MREG: variants seen among roughly 807,000 people sequenced by gnomAD.
MREG encodes the protein melanoregulin, also known as dilute suppressor protein homolog.
In MREG, 31 loss-of-function variants were observed where a neutral mutation model predicts 28.5. The ratio of observed to expected loss-of-function variants is 1.09; its 90% CI spans 0.82 to 1.47. The LOEUF (loss-of-function observed/expected upper bound fraction) is 1.47, where lower values mean the gene tolerates loss of function less well. Among genes scored for constraint, MREG ranks in the 40% most tolerant of loss-of-function variants. The pLI is 0.00. For synonymous variants in MREG, 106 were observed against 95.2 expected, an observed-to-expected ratio of 1.11 and a Z score of -0.66; for missense variants, 256 against 257.4, an observed-to-expected ratio of 0.99 and a Z score of 0.04.
intron 2 of MREG, among the ~76,000 whole-genome samples, chr2:215,952,646 A>G (rs997739091): frequency 6.6e-6 from 1 of 152,154 alleles, no homozygotes; most frequent in Non-Finnish European, 1.5e-5. Context: ...TTAAACTCTT[A>G]GCAACAACTT....
At chr2:215,986,246 T>C (rs1233635088) in intron 2 of MREG, among the ~76,000 whole-genome samples, 1 of 152,208 alleles carries the variant, frequency 6.6e-6, no homozygotes, top group Admixed American at 6.5e-5. Context: ...TCTGGACATT[T>C]TATATGAAAA....
At chr2:215,947,232 G>A (rs941494372) in intron 2 of MREG, 119 bp from the exon 3 acceptor site, 4 of 641,412 alleles carry the variant, frequency 6.2e-6, no homozygotes, top group East Asian at 5.6e-5. Context: ...TTCAAAGCAA[G>A]CCTAAAAGAA....
chr2:215,996,927 C>T (rs912610944), intron 1 of MREG, among the ~76,000 whole-genome samples: 3 of 152,108 alleles, frequency 2.0e-5, no homozygotes, highest in African/African-American at 7.2e-5. Context: ...ATTACAGGCG[C>T]CTGCCACCAC....
chr2:215,988,535 C>T (rs192783171), intron 2 of MREG, among the ~76,000 whole-genome samples: 6 of 152,238 alleles, frequency 3.9e-5, no homozygotes, highest in South Asian at 4.2e-4. Context: ...GGAACACCAG[C>T]GACACAGAAT....
At chr2:216,014,564 G>A (rs910080604), upstream of MREG, among the ~76,000 whole-genome samples, 26 of 151,816 alleles carry the variant, frequency 1.7e-4, no homozygotes, top group African/African-American at 5.8e-4. Flanking sequence ...CAGGAGAATT[G>A]CTCGAACCCG....
chr2:215,974,835 C>G (rs1315193296), intron 2 of MREG, among the ~76,000 whole-genome samples: 1 of 143,864 alleles, frequency 7.0e-6, no homozygotes, highest in Admixed American at 6.9e-5. Flanking sequence ...GACACACACA[C>G]ACACACACAC....
chr2:215,990,154 G>A (rs1693685040), intron 2 of MREG, among the ~76,000 whole-genome samples: 1 of 152,222 alleles, frequency 6.6e-6, no homozygotes, highest in African/African-American at 2.4e-5. Flanking sequence ...GAGAAAGGTC[G>A]GGTTACCCAC....
Position 215,943,389 on chromosome 2 carries a change from C to G in MREG, c.*1474G>C. Reference sequence around the variant, plus strand: ...ATCTTCTGAAGAGAAGAAGGTCCAGCAAAGATCTTCAGTGCAATACTCCCT... The same window carrying G: ...ATCTTCTGAAGAGAAGAAGGTCCAGGAAAGATCTTCAGTGCAATACTCCCT... On this transcript the variant is annotated 3_prime_UTR_variant, in exon 5 of 5. Transcript: ENST00000263268. The G allele has an allele frequency of 2.2e-6, 1 of 456,618 alleles. No individual in the cohort carries two copies. Among genetic ancestry groups the G allele is most frequent in the Non-Finnish European group, 4.4e-6 (1 of 226,936 alleles). 28.3% of individuals were successfully genotyped at this position (456,618 alleles called of 1,614,324 possible). A position where few individuals can be genotyped will look rare whatever the true frequency, so the allele number is the denominator to read the frequency against.
intron 1 of MREG, among the ~76,000 whole-genome samples, chr2:215,998,320 A>AAAAAAAAAT (rs1553554015): frequency 7.2e-6 from 1 of 138,902 alleles, no homozygotes; most frequent in African/African-American, 2.7e-5. Flanking sequence ...AAAAAAAAAA[A>AAAAAAAAAT]AATAATAATA....
intron 1 of MREG, among the ~76,000 whole-genome samples, chr2:216,003,556 G>A (rs1246235683): frequency 6.6e-6 from 1 of 152,042 alleles, no homozygotes; most frequent in Non-Finnish European, 1.5e-5. Context: ...GAAGATTCCC[G>A]AATCGGAATC....
At chr2:215,995,020 G>A (rs7579740) in intron 2 of MREG, among the ~76,000 whole-genome samples, 3,827 of 152,326 alleles carry the variant, frequency 0.025, 121 homozygotes, top group African/African-American at 0.083. Flanking sequence ...ACTGGTTAAT[G>A]TAATACAGGA....
At chr2:216,033,831 C>G (rs1284786159), upstream of MREG, 1 of 152,320 alleles carries the variant, frequency 6.6e-6, no homozygotes, top group Admixed American at 6.5e-5. Flanking sequence ...AAAGCTGAAA[C>G]TAACCCACAG....
intron 2 of MREG, among the ~76,000 whole-genome samples, chr2:215,993,984 C>A (rs1419485555): frequency 1.3e-5 from 2 of 149,898 alleles, no homozygotes; most frequent in Non-Finnish European, 2.9e-5. Context: ...TTAGTTCAAC[C>A]ATTGTGGAAG....
intron 2 of MREG, among the ~76,000 whole-genome samples, chr2:215,976,493 G>T (rs1693264292): frequency 6.6e-6 from 1 of 152,196 alleles, no homozygotes; most frequent in Admixed American, 6.5e-5. Flanking sequence ...CACCATCAAA[G>T]GACAGGAGGT....
intron 2 of MREG, among the ~76,000 whole-genome samples, chr2:215,959,595 G>A (rs1229342713): frequency 6.6e-6 from 1 of 152,164 alleles, no homozygotes; most frequent in Non-Finnish European, 1.5e-5. Context: ...TTCCCTCCCT[G>A]AAAACTTCAG....
intron 2 of MREG, among the ~76,000 whole-genome samples, chr2:215,960,951 G>A (rs1467412068): frequency 6.6e-6 from 1 of 152,222 alleles, no homozygotes; most frequent in African/African-American, 2.4e-5. Flanking sequence ...TACCAGGCAT[G>A]GTATGCAAGC....
chr2:216,023,146 G>A (rs1416246559), intron 1 of MREG, among the ~76,000 whole-genome samples: 1 of 152,194 alleles, frequency 6.6e-6, no homozygotes, highest in Non-Finnish European at 1.5e-5. Flanking sequence ...AAAGACAGCA[G>A]GTGGACCTCC....
At chr2:215,996,066 G>A (rs1045527834) in intron 2 of MREG, among the ~76,000 whole-genome samples, 12 of 152,132 alleles carry the variant, frequency 7.9e-5, no homozygotes, top group Non-Finnish European at 1.0e-4. Context: ...ATTGCCTTGC[G>A]TGTAATTTGT....
At chr2:215,996,664 C>A (rs1240036136) in intron 1 of MREG, among the ~76,000 whole-genome samples, 199 bp from the exon 2 acceptor site, 1 of 152,072 alleles carries the variant, frequency 6.6e-6, no homozygotes, top group South Asian at 2.1e-4. Flanking sequence ...ATAAATAAAT[C>A]ACTTTAAAAA....
Sources: allele counts gnomAD v4.1 joint callset (sites outside exome capture counted in the v4.1 genomes callset), GRCh38; gene constraint gnomAD v4.1.1; transcripts MANE v1.5; gene names NCBI Gene and HGNC (gene_info 2026-07-23, HGNC 2026-07-21).